Variants in FRMPD1 observed in about 807,000 individuals in gnomAD.
FRMPD1 encodes the protein FERM and PDZ domain containing 1, also known as FERM and PDZ domain-containing protein 1.
Under a neutral mutation model 117.8 loss-of-function variants are expected in FRMPD1, and 76 were observed. That is an observed-to-expected ratio of 0.65 (90% confidence interval 0.54 to 0.78). The LOEUF (loss-of-function observed/expected upper bound fraction) is 0.78. Ranked by LOEUF, FRMPD1 falls within the 30% of genes least tolerant of loss-of-function variation. The pLI is 0.00. For missense variants in FRMPD1, 1,786 were observed against 1,964.5 expected (o/e 0.91, Z 1.72); for synonymous variants, 783 against 770.4 (o/e 1.02, Z -0.27).
intron 5 of FRMPD1, among the ~76,000 whole-genome samples, chr9:37,712,401 A>G (rs1822942036): frequency 6.6e-6 from 1 of 152,210 alleles, no homozygotes. Flanking sequence ...CGTCGTGCAG[A>G]CTGGAGTGCA....
rs56069880 is a variant in FRMPD1, at chr9:37,735,701, G to A, written c.1368G>A (p.Val456=). The change falls in exon 13 of 16, where the codon GTG becomes GTA. Residue 456 remains valine (V), a synonymous_variant. Transcript: ENST00000377765. ...AGCTAACGGAAGAGTCTGAGAAAGT[G>A]AGCGTCGTCAAAGTGTATCTTCAGG... ...RVELTEESEK[V]SVVKVYLQDV... 4.6e-3 allele frequency: 7,422 copies of A among 1,613,608 alleles called. 30 individuals carry two copies. Among genetic ancestry groups the A allele is most frequent in the Non-Finnish European group, 5.1e-3 (6,066 of 1,179,748 alleles).
Position 37,740,381 on chromosome 9 carries a change from A to C in FRMPD1, c.1853A>C (p.Asp618Ala). 6.2e-7 allele frequency: 1 copy of C among 1,613,758 alleles called. No individual in the cohort carries two copies. Among genetic ancestry groups the C allele is most frequent in the Non-Finnish European group, 8.5e-7 (1 of 1,179,934 alleles). Residue 618 changes from aspartate to alanine, a missense_variant, in exon 15 of 16, where the codon GAC becomes GCC. Physicochemically the swap from Asp to Ala is moderately radical, Grantham distance 126. Transcript: ENST00000377765. This position sits in a 1 kb window ranked among gnomAD's most constrained non-coding sequence, Gnocchi z 4.2. ...GACGCTCTGGAAGAGGATGACTTAGACACCTGCTCCTCCAGCAGGTCCACC... is the reference window on the plus strand; with the variant it reads ...GACGCTCTGGAAGAGGATGACTTAGCCACCTGCTCCTCCAGCAGGTCCACC... ...SMDALEEDDL[D>A]TCSSSRSTFF...
At chr9:37,675,417 T>TACAAA (rs1479902465) in intron 1 of FRMPD1, among the ~76,000 whole-genome samples, 1 of 137,586 alleles carries the variant, frequency 7.3e-6, no homozygotes, top group Non-Finnish European at 1.6e-5. Context: ...TGAGACTGTC[T>TACAAA]AAAAAAAAAA....
intron 7 of FRMPD1, among the ~76,000 whole-genome samples, chr9:37,728,413 A>C (rs1440080367): frequency 6.6e-6 from 1 of 152,212 alleles, no homozygotes; most frequent in East Asian, 1.9e-4. Context: ...ATTTGGACTG[A>C]AACTCGAAGG....
chr9:37,736,660 C>T (rs1824141840), intron 13 of FRMPD1, among the ~76,000 whole-genome samples: 1 of 152,002 alleles, frequency 6.6e-6, no homozygotes, highest in Non-Finnish European at 1.5e-5. Flanking sequence ...TTCTTATCAC[C>T]CTCTCCCTCA....
chr9:37,637,105 G>T, the FRMPD1 span: 1 of 1,589,888 alleles, frequency 6.3e-7, no homozygotes, highest in Non-Finnish European at 8.6e-7. Flanking sequence ...GGCCCGCCGT[G>T]TCCCAGATCT....
chr9:37,675,337 G>A (rs1427085178), intron 1 of FRMPD1, among the ~76,000 whole-genome samples: 1 of 151,858 alleles, frequency 6.6e-6, no homozygotes, highest in Non-Finnish European at 1.5e-5. Context: ...ACAAGAATCG[G>A]TTGAAACTGG....
At chr9:37,644,616 C>G in the FRMPD1 span, among the ~76,000 whole-genome samples, 1 of 152,196 alleles carries the variant, frequency 6.6e-6, no homozygotes, top group Non-Finnish European at 1.5e-5. Context: ...TTCTCTATAA[C>G]ACAGTTCTAA....
At chr9:37,713,797 G>A (rs561988924) in intron 5 of FRMPD1, among the ~76,000 whole-genome samples, 11 of 152,240 alleles carry the variant, frequency 7.2e-5, no homozygotes, top group African/African-American at 2.6e-4. Context: ...AAAAAATACA[G>A]TCTCAACTCT....
At chr9:37,699,333 T>C (rs563153582) in intron 2 of FRMPD1, among the ~76,000 whole-genome samples, 1 of 151,834 alleles carries the variant, frequency 6.6e-6, no homozygotes, top group Admixed American at 6.6e-5. Context: ...TTTTTTTTTT[T>C]TTTTGAGATA....
At chr9:37,688,656 A>T (rs770951964) in intron 1 of FRMPD1, among the ~76,000 whole-genome samples, 1 of 152,142 alleles carries the variant, frequency 6.6e-6, no homozygotes, top group Non-Finnish European at 1.5e-5. Context: ...ATGTCCAATG[A>T]TAGATTTATT....
intron 1 of FRMPD1, among the ~76,000 whole-genome samples, chr9:37,678,887 T>C (rs560625472): frequency 1.3e-5 from 2 of 152,250 alleles, no homozygotes; most frequent in Non-Finnish European, 2.9e-5. Context: ...CCAGATAGAC[T>C]GCACTTGGCC....
intron 2 of FRMPD1, among the ~76,000 whole-genome samples, chr9:37,698,397 C>A (rs1453315567): frequency 6.6e-6 from 1 of 151,914 alleles, no homozygotes; most frequent in East Asian, 1.9e-4. Flanking sequence ...TTTACTGACC[C>A]CTCCTTTATT....
chr9:37,710,193 G>T (rs950109802), intron 4 of FRMPD1, among the ~76,000 whole-genome samples: 1 of 152,178 alleles, frequency 6.6e-6, no homozygotes, highest in Admixed American at 6.5e-5. Flanking sequence ...CTCAGAAAAG[G>T]CCTGTTCTCA....
At chr9:37,702,300 G>A (rs552189280) in intron 2 of FRMPD1, among the ~76,000 whole-genome samples, 6 of 152,290 alleles carry the variant, frequency 3.9e-5, no homozygotes, top group African/African-American at 9.6e-5. Flanking sequence ...GATGCTTCCC[G>A]TGAGCAAAGA....
chr9:37,681,212 CAAAA>C (rs72098221), intron 1 of FRMPD1, among the ~76,000 whole-genome samples: 2 of 85,648 alleles, frequency 2.3e-5, no homozygotes, highest in South Asian at 4.5e-4. Context: ...GACTCTGTCT[CAAAA>C]AAAAAAAAAA....
chr9:37,645,598 C>T, the FRMPD1 span, among the ~76,000 whole-genome samples: 1 of 152,194 alleles, frequency 6.6e-6, no homozygotes, highest in African/African-American at 2.4e-5. Context: ...GGAGACTGAT[C>T]TCTCTTCACC....
chr9:37,735,645 T>C lies in FRMPD1; in HGVS notation c.1312T>C (p.Leu438=), dbSNP rs767805034. 3.7e-6 allele frequency: 6 copies of C among 1,613,820 alleles called. No homozygotes were observed. In the Middle Eastern group the frequency reaches 5.0e-4, roughly 133 times the overall value. ...TAGCAAACTCAACATCATGTCCACA[T>C]TGGCAGAGTTTGCAAACATCAGCCG... ...INSKLNIMST[L]AEFANISRVE... The change falls in exon 13 of 16, where the codon TTG becomes CTG. Residue 438 remains leucine, a synonymous_variant. Transcript: ENST00000377765.
At chr9:37,608,327 T>C in the FRMPD1 span, among the ~76,000 whole-genome samples, 15 of 152,340 alleles carry the variant, frequency 9.8e-5, no homozygotes, top group Admixed American at 3.9e-4. Context: ...CTCTGGGGCC[T>C]AGAAACCAAT....
Sources: allele counts gnomAD v4.1 joint callset (sites outside exome capture counted in the v4.1 genomes callset), GRCh38; gene constraint gnomAD v4.1.1; non-coding constraint Gnocchi (gnomAD v3.1); transcripts MANE v1.5; gene names NCBI Gene and HGNC (gene_info 2026-07-23, HGNC 2026-07-21).